BDNF: variants seen among roughly 807,000 people sequenced by gnomAD.
BDNF encodes the protein neurotrophic factor BDNF precursor form.
A neutral mutation model predicts 19.5 loss-of-function variants in BDNF; 1 was observed. The ratio of observed to expected loss-of-function variants is 0.05; its 90% CI spans 0.02 to 0.24. BDNF has a LOEUF of 0.24. BDNF is among the 10% of genes least tolerant of loss of function. The probability of loss-of-function intolerance (pLI) is 1.00; values close to 1 mark genes in which losing one functional copy is unlikely to be tolerated. For synonymous variants in BDNF, 100 were observed against 121.6 expected, an observed-to-expected ratio of 0.82 and a Z score of 1.17; for missense variants, 195 against 317.6, an observed-to-expected ratio of 0.61 and a Z score of 2.93.
chr11:27,720,886 T>A, intron 1 of BDNF: 1 of 583,916 alleles, frequency 1.7e-6, no homozygotes, highest in Non-Finnish European at 2.2e-6. Flanking sequence ...CCTTTTCTTC[T>A]ACGAGAGGAT....
At chr11:27,680,262 G>A (rs1379477997) in intron 1 of BDNF, among the ~76,000 whole-genome samples, 1 of 152,114 alleles carries the variant, frequency 6.6e-6, no homozygotes, top group Non-Finnish European at 1.5e-5. Flanking sequence ...ATGCACAAAG[G>A]GCATTCCCAA....
intron 1 of BDNF, among the ~76,000 whole-genome samples, chr11:27,670,778 G>A (rs1855224466): frequency 6.6e-6 from 1 of 152,210 alleles, no homozygotes. Context: ...AAAGGATGTA[G>A]AGAAATAGGA....
intron 1 of BDNF, among the ~76,000 whole-genome samples, chr11:27,710,301 A>G (rs527479922): frequency 1.3e-5 from 2 of 152,344 alleles, no homozygotes; most frequent in South Asian, 2.1e-4. Context: ...TTAAAACCAC[A>G]TCTTTCTAGG....
At chr11:27,659,613 AC>A (rs1853072408) in intron 1 of BDNF, 1 of 995,900 alleles carries the variant, frequency 1.0e-6, no homozygotes. Context: ...TTTTCTTTTT[AC>A]TAGAGATGTT....
rs369836060 is a variant in BDNF, at chr11:27,655,654, A to T, written c.*2167T>A. ...TAGCTCTAAATGAAAGACTGAACAAATTGAAATTCTTTGCTGATGGTATCT... is the reference window on the plus strand; with the variant it reads ...TAGCTCTAAATGAAAGACTGAACAATTTGAAATTCTTTGCTGATGGTATCT... On this transcript the variant is annotated 3_prime_UTR_variant, in exon 2 of 2. Coordinates refer to ENST00000356660, the MANE Select transcript of BDNF (RefSeq NM_001709.5). 6.6e-6 allele frequency: 1 copy of T among 152,266 alleles called. No individual in the cohort carries two copies. Among genetic ancestry groups the T allele is most frequent in the South Asian group, 2.1e-4 (1 of 4,834 alleles). The allele number at this position is 152,266 out of a possible 1,614,324, so 9.4% of individuals were successfully genotyped here. A position where few individuals can be genotyped will look rare whatever the true frequency, so the allele number is the denominator to read the frequency against.
At chr11:27,661,631 A>C (rs1174227958) in intron 1 of BDNF, among the ~76,000 whole-genome samples, 1 of 152,150 alleles carries the variant, frequency 6.6e-6, no homozygotes, top group Non-Finnish European at 1.5e-5. Flanking sequence ...TTACACAAAA[A>C]CTGGCAATGG....
chr11:27,694,649 G>A (rs905634183), intron 1 of BDNF, among the ~76,000 whole-genome samples: 1 of 149,242 alleles, frequency 6.7e-6, no homozygotes, highest in Non-Finnish European at 1.5e-5. Context: ...TAAGGTTAAG[G>A]CAATCCTTAT....
At chr11:27,697,182 G>C (rs1405963217) in intron 1 of BDNF, among the ~76,000 whole-genome samples, 2 of 152,016 alleles carry the variant, frequency 1.3e-5, no homozygotes, top group Admixed American at 6.6e-5. Context: ...GAGAGAGAGA[G>C]AGAGAGAGAG....
At chr11:27,718,354 A>ACCCCCCCCCCCCCCCC (rs376255605) in intron 1 of BDNF, among the ~76,000 whole-genome samples, 27 of 101,134 alleles carry the variant, frequency 2.7e-4, no homozygotes, top group Non-Finnish European at 4.3e-4. Flanking sequence ...TCCGCACACC[A>ACCCCCCCCCCCCCCCC]CCCCCCCCCG....
exon 1 of BDNF, chr11:27,721,789 C>T (rs1217730841): frequency 3.5e-6 from 1 of 288,262 alleles, no homozygotes; most frequent in African/African-American, 2.1e-5. Context: ...CTAGGGCTGC[C>T]TTCTAACCGC....
At position 27,716,359 on chromosome 11, in the gene BDNF, T is replaced by C. The variant is rs1047574709; in HGVS notation, c.3+5053A>G. Among the ~76,000 whole-genome samples the C allele has an allele frequency of 2.6e-5, 4 of 151,996 alleles. No individual in the cohort carries two copies. The East Asian group carries it at 7.7e-4, about 29-fold the overall frequency. On this transcript the variant is annotated intron_variant, in intron 1 of 1. Coordinates refer to the BDNF transcript ENST00000314915. The stretch of plus-strand genomic sequence containing the variant: ...TAAGTAGTACGCAATGTTCTTGACA[T>C]AGATTATGGCATGTAAATTTAAGAG...
intron 1 of BDNF, among the ~76,000 whole-genome samples, chr11:27,718,354 A>ACCCCCACCCCCCCCC (rs1860600671): frequency 9.9e-6 from 1 of 101,112 alleles, no homozygotes; most frequent in South Asian, 4.2e-4. Context: ...TCCGCACACC[A>ACCCCCACCCCCCCCC]CCCCCCCCCG....
At position 27,656,317 on chromosome 11, in the gene BDNF, T is replaced by C; in HGVS notation, c.*1504A>G. On this transcript the variant is annotated 3_prime_UTR_variant, in exon 2 of 2. Transcript: ENST00000356660. Reference sequence around the variant, plus strand: ...CCTGCTCCAGGCTAATCCAATTTTATGCAAAATTATCCAGAGGTGGGATGG... The same window carrying C: ...CCTGCTCCAGGCTAATCCAATTTTACGCAAAATTATCCAGAGGTGGGATGG... 1 of 160,876 alleles carries C rather than the reference T, an allele frequency of 6.2e-6. No homozygotes were observed. The highest frequency in any genetic ancestry group is 1.3e-5 in the Non-Finnish European group (1 of 75,646). The allele number at this position is 160,876 out of a possible 1,614,324, so 10.0% of individuals were successfully genotyped here. A position where few individuals can be genotyped will look rare whatever the true frequency, so the allele number is the denominator to read the frequency against.
chr11:27,663,984 T>C (rs1350951593), intron 1 of BDNF, among the ~76,000 whole-genome samples: 1 of 151,850 alleles, frequency 6.6e-6, no homozygotes, highest in East Asian at 1.9e-4. Flanking sequence ...TAAGTTTCTA[T>C]GGCCAAAGGT....
At chr11:27,719,170 C>G (rs1221455257) in intron 1 of BDNF, among the ~76,000 whole-genome samples, 1 of 152,130 alleles carries the variant, frequency 6.6e-6, no homozygotes, top group African/African-American at 2.4e-5. Context: ...GAACACAGGT[C>G]TGGGCGGCTC....
At chr11:27,715,211 C>G (rs1283703448) in intron 1 of BDNF, among the ~76,000 whole-genome samples, 1 of 152,120 alleles carries the variant, frequency 6.6e-6, no homozygotes, top group Non-Finnish European at 1.5e-5. Context: ...AGCTCATGAT[C>G]CACATAAGTA....
intron 1 of BDNF, among the ~76,000 whole-genome samples, chr11:27,691,689 G>A (rs1858318180): frequency 6.6e-6 from 1 of 152,088 alleles, no homozygotes; most frequent in Admixed American, 6.6e-5. Flanking sequence ...TTTATGTCAT[G>A]GCCATGTTGC....
intron 1 of BDNF, chr11:27,674,681 T>C (rs1186520588): frequency 1.0e-6 from 1 of 985,106 alleles, no homozygotes; most frequent in Non-Finnish European, 1.2e-6. Flanking sequence ...GGCGGTACTG[T>C]GAACAACAGG....
chr11:27,714,760 C>T (rs892310762), intron 1 of BDNF, among the ~76,000 whole-genome samples: 2 of 152,102 alleles, frequency 1.3e-5, no homozygotes, highest in African/African-American at 4.8e-5. Context: ...TCTTTTATAT[C>T]ACTCAAACTT....
Sources: allele counts gnomAD v4.1 joint callset (sites outside exome capture counted in the v4.1 genomes callset), GRCh38; gene constraint gnomAD v4.1.1; transcripts MANE v1.5; gene names NCBI Gene and HGNC (gene_info 2026-07-23, HGNC 2026-07-21).